The following ADAM22 variants were observed in gnomAD, a reference collection of about 807,000 sequenced individuals.
The protein encoded by ADAM22 is disintegrin and metalloproteinase domain-containing protein 22.
Under a neutral mutation model 144.6 loss-of-function variants are expected in ADAM22, and 65 were observed. The ratio of observed to expected loss-of-function variants is 0.45; its 90% CI spans 0.37 to 0.55. The LOEUF is 0.55. Ranked by LOEUF, ADAM22 falls within the 20% of genes least tolerant of loss-of-function variation. ADAM22 has a pLI of 0.00. For synonymous variants in ADAM22, 391 were observed against 412.6 expected (o/e 0.95, Z 0.63); for missense variants, 974 against 1,184.9 (o/e 0.82, Z 2.61).
rs1318383056 is a variant in ADAM22, at chr7:88,200,893, T to C, written c.*4402T>C. 6.6e-6 allele frequency: 1 copy of C among 152,232 alleles called. No homozygotes were observed. The highest frequency in any genetic ancestry group is 1.5e-5 in the Non-Finnish European group (1 of 68,062). 9.4% of individuals were successfully genotyped at this position (152,232 alleles called of 1,614,324 possible). A position where few individuals can be genotyped will look rare whatever the true frequency, so the allele number is the denominator to read the frequency against. ...GTTTCCCATTGATAGTATAATATAA[T>C]GAGGGGCCCAGTCTGCTCTTGTGAA... is the stretch of plus-strand genomic sequence containing the variant. On this transcript the variant is annotated 3_prime_UTR_variant, in exon 32 of 32. Coordinates refer to ENST00000413139, the MANE Select transcript of ADAM22 (RefSeq NM_001324418.2).
chr7:88,106,808 T>C (rs894361904), intron 4 of ADAM22, among the ~76,000 whole-genome samples: 2 of 152,196 alleles, frequency 1.3e-5, no homozygotes, highest in African/African-American at 4.8e-5. Flanking sequence ...CTCCTAGTGA[T>C]GTCAATGCTG....
At chr7:87,994,592 C>T (rs1790679743) in intron 3 of ADAM22, among the ~76,000 whole-genome samples, 1 of 152,034 alleles carries the variant, frequency 6.6e-6, no homozygotes, top group African/African-American at 2.4e-5. Context: ...ATTCATATCT[C>T]TTCTTTTTAA....
intron 15 of ADAM22, 105 bp downstream of exon 15, chr7:88,143,230 G>A: frequency 1.3e-6 from 1 of 753,398 alleles, no homozygotes; most frequent in Non-Finnish European, 2.1e-6. Context: ...TTTTCAACTT[G>A]CCCTGTATGT....
chr7:88,133,299 G>A (rs1055251928), intron 12 of ADAM22, among the ~76,000 whole-genome samples: 1 of 151,728 alleles, frequency 6.6e-6, no homozygotes. Flanking sequence ...GGAGGCAGAG[G>A]TTGTATTGGG....
At chr7:88,175,352 G>C (rs1845369359) in intron 26 of ADAM22, among the ~76,000 whole-genome samples, 1 of 152,140 alleles carries the variant, frequency 6.6e-6, no homozygotes, top group African/African-American at 2.4e-5. Context: ...GTATAAATTA[G>C]CTCCCCCAGA....
In ADAM22 at chr7:88,059,815, G is replaced by T. The variant is rs78795775; in HGVS notation, c.324-15811G>T. The stretch of plus-strand genomic sequence containing the variant: ...CTTATAAGTGAAAGCTAAACATTGG[G>T]TACGCATGGTGGACATAATGATAGA... On this transcript the variant is annotated intron_variant, in intron 3 of 31. Coordinates refer to ENST00000413139, the MANE Select transcript of ADAM22 (RefSeq NM_001324418.2). 4.0e-3 allele frequency among the ~76,000 whole-genome samples: 611 copies of T among 152,266 alleles called. 1 individual carries two copies. The highest frequency in any genetic ancestry group is 0.014 in the African/African-American group (579 of 41,554).
chr7:88,102,966 C>T (rs932337532), intron 4 of ADAM22, among the ~76,000 whole-genome samples: 3 of 152,144 alleles, frequency 2.0e-5, no homozygotes, highest in Non-Finnish European at 4.4e-5. Flanking sequence ...GGTATATAAA[C>T]ATAAATCAGG....
intron 4 of ADAM22, among the ~76,000 whole-genome samples, chr7:88,078,494 G>A (rs907812674): frequency 2.0e-5 from 3 of 152,260 alleles, no homozygotes; most frequent in East Asian, 1.9e-4. Flanking sequence ...AAAGCTGGAC[G>A]GAGAATGACT....
chr7:87,992,326 T>G (rs1790104181), intron 3 of ADAM22, among the ~76,000 whole-genome samples: 1 of 152,058 alleles, frequency 6.6e-6, no homozygotes, highest in African/African-American at 2.4e-5. Flanking sequence ...CTAAGATGCT[T>G]TGTTTGGTTG....
intron 4 of ADAM22, among the ~76,000 whole-genome samples, chr7:88,099,946 T>G (rs1263526220): frequency 6.6e-6 from 1 of 152,090 alleles, no homozygotes; most frequent in Non-Finnish European, 1.5e-5. Context: ...TAACCACTAA[T>G]GCAATATGGC....
In ADAM22 at chr7:88,148,969, C is replaced by A; in HGVS notation, c.1486-8C>A. The A allele has an allele frequency of 6.3e-7, 1 of 1,597,724 alleles. No homozygotes were observed. Among genetic ancestry groups the A allele is most frequent in the South Asian group, 1.1e-5 (1 of 88,564 alleles). On this transcript the variant is annotated splice_region_variant and splice_polypyrimidine_tract_variant and intron_variant, in intron 17 of 31. Coordinates refer to ENST00000413139, the MANE Select transcript of ADAM22 (RefSeq NM_001324418.2). ...ACAGTTTCACACGTTGATTTTTGTT[C>A]ATTTTAGTTTCAGCCTATGGGCACT...
At chr7:88,154,664 A>C (rs1839407564) in intron 21 of ADAM22, among the ~76,000 whole-genome samples, 1 of 152,178 alleles carries the variant, frequency 6.6e-6, no homozygotes, top group African/African-American at 2.4e-5. Context: ...AATTGTCTTT[A>C]TATATCCTGA....
chr7:88,112,623 T>G (rs1472258965), intron 5 of ADAM22, among the ~76,000 whole-genome samples: 1 of 152,204 alleles, frequency 6.6e-6, no homozygotes, highest in Admixed American at 6.5e-5. Context: ...GAGTGGGAGC[T>G]GAGGCCATTT....
intron 3 of ADAM22, among the ~76,000 whole-genome samples, chr7:88,038,451 CTT>C (rs11344988): frequency 4.4e-4 from 62 of 139,596 alleles, no homozygotes; most frequent in South Asian, 3.7e-3. Flanking sequence ...CTCTGCTATT[CTT>C]TTTTTTTTTT....
At chr7:88,101,396 TGTTTGGATCTGGAG>T (rs1822886058) in intron 4 of ADAM22, among the ~76,000 whole-genome samples, 1 of 151,866 alleles carries the variant, frequency 6.6e-6, no homozygotes, top group Non-Finnish European at 1.5e-5. Flanking sequence ...CAGGGGCGGG[TGTTTGGATCTGGAG>T]GTGCCTACAC....
intron 3 of ADAM22, among the ~76,000 whole-genome samples, chr7:88,018,002 A>T (rs902885865): frequency 3.9e-5 from 6 of 152,180 alleles, no homozygotes; most frequent in Non-Finnish European, 7.4e-5. Flanking sequence ...TGATGGTCCC[A>T]TTGAGTTACT....
chr7:88,040,481 C>A (rs1414869804), intron 3 of ADAM22, among the ~76,000 whole-genome samples: 1 of 152,052 alleles, frequency 6.6e-6, no homozygotes, highest in Non-Finnish European at 1.5e-5. Flanking sequence ...ACCATCAGGT[C>A]TTCTAGATTT....
chr7:87,944,829 TTG>T (rs1491049200), intron 2 of ADAM22, among the ~76,000 whole-genome samples: 3 of 149,876 alleles, frequency 2.0e-5, no homozygotes, highest in Non-Finnish European at 4.4e-5. Flanking sequence ...TTTTTTTTTT[TTG>T]TTTTTTTTTT....
rs182176423 is a variant in ADAM22, at chr7:88,110,983, C to T, written c.473+2725C>T. On this transcript the variant is annotated intron_variant, in intron 5 of 31. Transcript: ENST00000413139. ...GTCTCGAACTCCTGACCTCGTGATC[C>T]GCCCACCTCAGCCTCCCAAAGTGCT... is the stretch of plus-strand genomic sequence containing the variant. 2.9e-3 allele frequency among the ~76,000 whole-genome samples: 429 copies of T among 146,690 alleles called. 3 individuals carry two copies. Among genetic ancestry groups the T allele is most frequent in the African/African-American group, 0.01 (403 of 39,462 alleles).
Sources: allele counts gnomAD v4.1 joint callset (sites outside exome capture counted in the v4.1 genomes callset), GRCh38; gene constraint gnomAD v4.1.1; transcripts MANE v1.5; gene names NCBI Gene and HGNC (gene_info 2026-07-23, HGNC 2026-07-21).